SLC9A9: variants seen among roughly 807,000 people sequenced by gnomAD.
SLC9A9 encodes the protein sodium/hydrogen exchanger 9.
A neutral mutation model predicts 77.8 loss-of-function variants in SLC9A9; 62 were observed. That is an observed-to-expected ratio of 0.80 (90% CI 0.65 to 0.98). The LOEUF (loss-of-function observed/expected upper bound fraction) is 0.98, where lower values mean the gene tolerates loss of function less well. Ranked by LOEUF, SLC9A9 falls within the 50% of genes least tolerant of loss-of-function variation. The pLI is 0.00. For synonymous variants in SLC9A9, 320 were observed against 283.5 expected (o/e 1.13, Z -1.29); for missense variants, 775 against 774.9 (o/e 1.00, Z 0.00).
At chr3:143,773,089 G>T (rs2007577822) in intron 4 of SLC9A9, among the ~76,000 whole-genome samples, 1 of 152,116 alleles carries the variant, frequency 6.6e-6, no homozygotes, top group Non-Finnish European at 1.5e-5. Context: ...TCAAATTACT[G>T]GTCCCATTAG....
chr3:143,773,156 G>A (rs2007580520), intron 4 of SLC9A9, among the ~76,000 whole-genome samples: 1 of 152,148 alleles, frequency 6.6e-6, no homozygotes, highest in East Asian at 1.9e-4. Context: ...AACTAGTGTT[G>A]TGGTGCTAAA....
intron 6 of SLC9A9, among the ~76,000 whole-genome samples, chr3:143,650,041 G>A (rs1206317687): frequency 6.6e-6 from 1 of 152,200 alleles, no homozygotes; most frequent in Non-Finnish European, 1.5e-5. Context: ...TGGGCTGGTG[G>A]TTCCCAAAGA....
At chr3:143,811,712 A>T (rs940617086) in intron 2 of SLC9A9, 1 of 455,132 alleles carries the variant, frequency 2.2e-6, no homozygotes, top group Admixed American at 2.4e-5. Context: ...AAACAAAAAA[A>T]TTAGCCACGC....
intron 8 of SLC9A9, among the ~76,000 whole-genome samples, chr3:143,568,087 T>C (rs756061250): frequency 1.4e-4 from 21 of 152,180 alleles, no homozygotes; most frequent in Non-Finnish European, 2.9e-4. Flanking sequence ...AAGGAATTTA[T>C]TGGAAGGAAG....
Position 143,796,858 on chromosome 3 carries a change from T to C in SLC9A9, c.424A>G (p.Ile142Val). Reference sequence around the variant, plus strand: ...AGACTATATCCTGCATGAAATATAATTGGTGGCAGTAAAACATTGAAGAAG... The same window carrying C: ...AGACTATATCCTGCATGAAATATAACTGGTGGCAGTAAAACATTGAAGAAG... ...EIFFNVLLPP[I>V]IFHAGYSLKK... Residue 142 changes from isoleucine to valine, a missense_variant, in exon 3 of 16, where the codon ATT (isoleucine) becomes GTT (valine). Physicochemically the swap from Ile to Val is conservative, Grantham distance 29. Coordinates refer to ENST00000316549, the MANE Select transcript of SLC9A9 (RefSeq NM_173653.4). The C allele has an allele frequency of 6.2e-7, 1 of 1,612,022 alleles. No individual in the cohort carries two copies. The highest frequency in any genetic ancestry group is 2.2e-5 in the East Asian group (1 of 44,700).
At chr3:143,710,800 T>A (rs1934122865) in intron 4 of SLC9A9, among the ~76,000 whole-genome samples, 1 of 152,208 alleles carries the variant, frequency 6.6e-6, no homozygotes, top group African/African-American at 2.4e-5. Context: ...CTCCAGAAAA[T>A]TTTCCATCCC....
intron 11 of SLC9A9, among the ~76,000 whole-genome samples, chr3:143,491,822 A>C (rs1380236462): frequency 6.6e-6 from 1 of 152,212 alleles, no homozygotes; most frequent in African/African-American, 2.4e-5. Flanking sequence ...CTCCAGAGTA[A>C]AGTTACTGAT....
chr3:143,365,474 T>C (rs2032871715), intron 13 of SLC9A9, among the ~76,000 whole-genome samples: 2 of 152,198 alleles, frequency 1.3e-5, no homozygotes, highest in Non-Finnish European at 1.5e-5. Flanking sequence ...CATTTATAAA[T>C]GAGCATTGCA....
At chr3:143,841,752 C>CCCTTT (rs2009711752) in intron 1 of SLC9A9, among the ~76,000 whole-genome samples, 1 of 61,502 alleles carries the variant, frequency 1.6e-5, no homozygotes, top group Non-Finnish European at 3.4e-5. Context: ...AATATAGAGG[C>CCCTTT]TCTTTTCTTT....
intron 1 of SLC9A9, among the ~76,000 whole-genome samples, chr3:143,834,223 T>A (rs2009508704): frequency 6.6e-6 from 1 of 152,170 alleles, no homozygotes; most frequent in African/African-American, 2.4e-5. Flanking sequence ...GAAAATAAGT[T>A]ATAGATACGT....
intron 12 of SLC9A9, among the ~76,000 whole-genome samples, chr3:143,459,480 A>G (rs1466645335): frequency 6.6e-6 from 1 of 152,116 alleles, no homozygotes; most frequent in East Asian, 1.9e-4. Flanking sequence ...GGTTGTTCCA[A>G]TGTCAGTTAA....
intron 2 of SLC9A9, among the ~76,000 whole-genome samples, chr3:143,830,188 T>TA (rs1361859993): frequency 6.6e-6 from 1 of 152,192 alleles, no homozygotes; most frequent in Admixed American, 6.6e-5. Flanking sequence ...TAAAGCCATG[T>TA]AATACAGTAA....
intron 4 of SLC9A9, among the ~76,000 whole-genome samples, chr3:143,727,807 T>C (rs993925589): frequency 6.6e-6 from 1 of 152,260 alleles, no homozygotes; most frequent in Non-Finnish European, 1.5e-5. Context: ...TTACTTTTGC[T>C]CACCACTGTA....
intron 6 of SLC9A9, among the ~76,000 whole-genome samples, chr3:143,600,250 A>G (rs774552744): frequency 7.9e-5 from 12 of 151,228 alleles, no homozygotes; most frequent in Non-Finnish European, 1.3e-4. Context: ...TCTTTGTTCA[A>G]CTCCCACCTA....
At chr3:143,788,410 A>T (rs1460970192) in intron 4 of SLC9A9, among the ~76,000 whole-genome samples, 1 of 152,016 alleles carries the variant, frequency 6.6e-6, no homozygotes, top group Non-Finnish European at 1.5e-5. Context: ...TCATGTATGA[A>T]CTGGGCATGG....
rs2034527037 is a variant in SLC9A9 at position 143,432,011 on chromosome 3, A to G, written c.1469+35026T>C. ...ACTACCTAATTCAAATCACAGCCCA[A>G]TCCCATCCCTATAACCCAGCCTCCA... is the stretch of plus-strand genomic sequence containing the variant. On this transcript the variant is annotated intron_variant, in intron 12 of 15. Coordinates refer to ENST00000316549, the MANE Select transcript of SLC9A9 (RefSeq NM_173653.4). 2.0e-5 allele frequency among the ~76,000 whole-genome samples: 3 copies of G among 152,142 alleles called. No homozygotes were observed. In the South Asian group the frequency reaches 6.2e-4, roughly 32 times the overall value.
intron 8 of SLC9A9, among the ~76,000 whole-genome samples, chr3:143,559,810 T>G (rs750259979): frequency 1.3e-5 from 2 of 152,218 alleles, no homozygotes; most frequent in Non-Finnish European, 2.9e-5. Flanking sequence ...GTCTTCTCCA[T>G]GTAAAAAAGG....
chr3:143,827,269 T>C (rs1576755550), intron 2 of SLC9A9, among the ~76,000 whole-genome samples: 1 of 152,270 alleles, frequency 6.6e-6, no homozygotes, highest in South Asian at 2.1e-4. Flanking sequence ...ACAGAACAAT[T>C]TGACAAATGG....
At chr3:143,751,478 A>G (rs985459511) in intron 4 of SLC9A9, among the ~76,000 whole-genome samples, 1 of 152,144 alleles carries the variant, frequency 6.6e-6, no homozygotes, top group African/African-American at 2.4e-5. Flanking sequence ...TGCTATAAAC[A>G]TATGAAGACC....
Sources: gnomAD v4.1 joint callset for allele counts (sites outside exome capture counted in the v4.1 genomes callset) on GRCh38, gnomAD v4.1.1 for gene constraint, MANE v1.5 for transcripts, NCBI Gene and HGNC (gene_info 2026-07-23, HGNC 2026-07-21) for gene names.